The following CKAP5 variants were observed in gnomAD, a reference collection of about 807,000 sequenced individuals.
CKAP5 encodes the protein cytoskeleton-associated protein 5.
Under a neutral mutation model 232.8 loss-of-function variants are expected in CKAP5, and 27 were observed. The ratio of observed to expected loss-of-function variants is 0.12; its 90% CI spans 0.09 to 0.16. The LOEUF (loss-of-function observed/expected upper bound fraction) is 0.16. CKAP5 is among the 10% of genes least tolerant of loss of function. The probability of loss-of-function intolerance (pLI) is 1.00; values close to 1 mark genes in which losing one functional copy is unlikely to be tolerated. For synonymous variants in CKAP5, 785 were observed against 841.1 expected (o/e 0.93, Z 1.16); for missense variants, 1,838 against 2,424.7 (o/e 0.76, Z 5.08).
intron 20 of CKAP5, 64 bp downstream of exon 20, chr11:46,780,130 A>G: frequency 6.4e-7 from 1 of 1,567,192 alleles, no homozygotes; most frequent in Non-Finnish European, 8.8e-7. Flanking sequence ...ACTACACCCA[A>G]CAGTTTAGTC....
chr11:46,761,932 A>G, intron 32 of CKAP5, 68 bp downstream of exon 32: 1 of 1,324,620 alleles, frequency 7.5e-7, no homozygotes, highest in Non-Finnish European at 1.1e-6. Context: ...AGGACAGGAA[A>G]CCTAACACCT....
Position 46,753,566 on chromosome 11 carries a change from T to C in CKAP5, c.4870-69A>G, listed in dbSNP as rs369587393. ...AGAGAGTAAAGAAATGTGGGTGGCA[T>C]ATTCTGATAAATATTCAATTATGTT... On this transcript the variant is annotated intron_variant, in intron 36 of 43. Transcript: ENST00000529230. The C allele has an allele frequency of 2.0e-5, 23 of 1,130,446 alleles. No homozygotes were observed. In the African/African-American group the frequency reaches 2.9e-4, roughly 14 times the overall value. The allele number at this position is 1,130,446 out of a possible 1,614,324, so 70.0% of individuals were successfully genotyped here. A position where few individuals can be genotyped will look rare whatever the true frequency, so the allele number is the denominator to read the frequency against.
At chr11:46,781,111 A>G (rs1040037600) in intron 18 of CKAP5, among the ~76,000 whole-genome samples, 1 of 152,110 alleles carries the variant, frequency 6.6e-6, no homozygotes, top group African/African-American at 2.4e-5. Context: ...TACTGAAACC[A>G]AACTCCTGAT....
intron 13 of CKAP5, among the ~76,000 whole-genome samples, chr11:46,793,843 C>T (rs539425060): frequency 2.2e-4 from 34 of 152,144 alleles, no homozygotes; most frequent in Middle Eastern, 3.4e-3. Flanking sequence ...CTTGAGGAGG[C>T]TTGAACCTAG....
At chr11:46,776,228 T>C in intron 24 of CKAP5, 27 bp downstream of exon 24, 4 of 1,608,070 alleles carry the variant, frequency 2.5e-6, no homozygotes, top group Non-Finnish European at 3.4e-6. Flanking sequence ...ACATGAGTAA[T>C]GCACATGATT....
chr11:46,838,790 T>C (rs892315189), intron 1 of CKAP5, among the ~76,000 whole-genome samples: 1 of 34,830 alleles, frequency 2.9e-5, no homozygotes, highest in Non-Finnish European at 4.8e-5. Flanking sequence ...TGGGACCCCA[T>C]CTCAAAAAAA....
rs375742321 is a variant in CKAP5, at chr11:46,755,002, C to G, written c.4755G>C (p.Leu1585=). Residue 1585 remains leucine, a synonymous_variant, in exon 36 of 44, where the codon CTG becomes CTC. Coordinates refer to ENST00000529230, the MANE Select transcript of CKAP5 (RefSeq NM_001008938.4). ...EAMSGHIDQF[L]IATFMQLRLI... is the part of the protein sequence containing the mutation. ...GTCTTAGCTGCATAAAAGTGGCTAT[C>G]AGAAACTGATCAATATGGCCGGACA... 3 of 1,613,788 alleles carry G rather than the reference C, an allele frequency of 1.9e-6. No individual in the cohort carries two copies. In the African/African-American group the frequency reaches 4.0e-5, roughly 22 times the overall value.
intron 13 of CKAP5, 140 bp from the exon 14 acceptor site, chr11:46,790,723 G>C (rs558050293): frequency 1.6e-6 from 1 of 616,312 alleles, no homozygotes; most frequent in Admixed American, 2.9e-5. Flanking sequence ...GCTTGCTACA[G>C]GTTCAACCTC....
At chr11:46,769,093 T>G (rs2065227368) in intron 26 of CKAP5, among the ~76,000 whole-genome samples, 1 of 152,094 alleles carries the variant, frequency 6.6e-6, no homozygotes, top group Non-Finnish European at 1.5e-5. Context: ...CTAATTTTTG[T>G]ATTTTTAGTA....
At chr11:46,791,830 C>A (rs1255705137) in intron 13 of CKAP5, among the ~76,000 whole-genome samples, 1 of 152,126 alleles carries the variant, frequency 6.6e-6, no homozygotes, top group Non-Finnish European at 1.5e-5. Flanking sequence ...TCACATTGTT[C>A]CTTGTACCTA....
chr11:46,781,173 A>T (rs1450894609), intron 18 of CKAP5, among the ~76,000 whole-genome samples: 1 of 152,180 alleles, frequency 6.6e-6, no homozygotes, highest in Non-Finnish European at 1.5e-5. Context: ...TCTACACCTC[A>T]GTAAAGAGCC....
chr11:46,791,502 T>A (rs1938721062), intron 13 of CKAP5, among the ~76,000 whole-genome samples: 1 of 151,946 alleles, frequency 6.6e-6, no homozygotes, highest in African/African-American at 2.4e-5. Flanking sequence ...CAAAACCCCA[T>A]CTCTACAAAA....
At chr11:46,809,129 G>C (rs868839832) in intron 7 of CKAP5, among the ~76,000 whole-genome samples, 78 of 152,302 alleles carry the variant, frequency 5.1e-4, no homozygotes, top group African/African-American at 1.8e-3. Context: ...GGAATCCGGA[G>C]CTCTTTAGTG....
At chr11:46,759,244 A>G in intron 34 of CKAP5, 25 bp downstream of exon 34, 1 of 1,603,104 alleles carries the variant, frequency 6.2e-7, no homozygotes, top group African/African-American at 1.3e-5. Context: ...AACTGCTCAT[A>G]TTTAAATGAA....
At chr11:46,818,578 G>A in intron 2 of CKAP5, 75 bp from the exon 3 acceptor site, 1 of 1,061,662 alleles carries the variant, frequency 9.4e-7, no homozygotes. Context: ...TGGGGGGGGA[G>A]GGTGTGAGAA....
Position 46,809,893 on chromosome 11 carries a change from A to G in CKAP5, c.631-19T>C. Reference sequence around the variant, plus strand: ...CTTTCAACTGCAAATGTCATATAATATTTAAATAATATCTGCATCTCCACC... The same window carrying G: ...CTTTCAACTGCAAATGTCATATAATGTTTAAATAATATCTGCATCTCCACC... On this transcript the variant is annotated intron_variant, in intron 5 of 43. Coordinates refer to ENST00000529230, the MANE Select transcript of CKAP5 (RefSeq NM_001008938.4). The G allele has an allele frequency of 6.3e-7, 1 of 1,592,316 alleles. No individual in the cohort carries two copies. The highest frequency in any genetic ancestry group is 8.5e-7 in the Non-Finnish European group (1 of 1,171,288).
At chr11:46,749,620 G>A (rs1482614755) in intron 42 of CKAP5, among the ~76,000 whole-genome samples, 1 of 151,948 alleles carries the variant, frequency 6.6e-6, no homozygotes, top group Non-Finnish European at 1.5e-5. Context: ...AAAGAGAGAA[G>A]ACAACCATAG....
chr11:46,811,235 T>C lies in CKAP5; in HGVS notation c.459-57A>G, dbSNP rs919366697. The C allele has an allele frequency of 5.9e-6, 8 of 1,362,928 alleles. No homozygotes were observed. In the Admixed American group the frequency reaches 7.9e-5, roughly 13 times the overall value. 84.4% of individuals were successfully genotyped at this position (1,362,928 alleles called of 1,614,324 possible). On this transcript the variant is annotated intron_variant, in intron 4 of 43. Coordinates refer to ENST00000529230, the MANE Select transcript of CKAP5 (RefSeq NM_001008938.4). ...ACGTGCAATGCAATTAAATAAAGCA[T>C]TAGCTTTTCTTCATTCAAACATAGT... is the stretch of plus-strand genomic sequence containing the variant.
chr11:46,784,135 G>A (rs1010842396), intron 17 of CKAP5, among the ~76,000 whole-genome samples: 9 of 151,998 alleles, frequency 5.9e-5, no homozygotes, highest in Non-Finnish European at 1.2e-4. Context: ...TTGGGAGGCC[G>A]AGGCAGGCAG....
Sources: allele counts gnomAD v4.1 joint callset (sites outside exome capture counted in the v4.1 genomes callset), GRCh38; gene constraint gnomAD v4.1.1; transcripts MANE v1.5; gene names NCBI Gene and HGNC (gene_info 2026-07-23, HGNC 2026-07-21).